The following GSDMB variants were observed in gnomAD, a reference collection of about 807,000 sequenced individuals.
GSDMB encodes the protein gasdermin-B.
A neutral mutation model predicts 42.9 loss-of-function variants in GSDMB; 32 were observed. That is an observed-to-expected ratio of 0.75 (90% CI 0.56 to 1.00). The LOEUF is 1.00. Among genes scored for constraint, GSDMB ranks in the 50% least tolerant of loss-of-function variants. The pLI, the probability that GSDMB is intolerant of heterozygous loss-of-function variation, is 0.00. For missense variants in GSDMB, 468 were observed against 498.5 expected, an observed-to-expected ratio of 0.94 and a Z score of 0.58; for synonymous variants, 175 against 193.7, an observed-to-expected ratio of 0.90 and a Z score of 0.80.
chr17:39,914,845 T>TG (rs988478618), intron 2 of GSDMB, among the ~76,000 whole-genome samples: 11 of 150,358 alleles, frequency 7.3e-5, no homozygotes, highest in African/African-American at 2.5e-4. Context: ...TTTTTTTTTG[T>TG]TTTTTTTTGA....
chr17:39,917,267 T>C lies in GSDMB; in HGVS notation c.50A>G (p.Asp17Gly), dbSNP rs2063729994. 1.9e-6 allele frequency: 3 copies of C among 1,613,934 alleles called. No individual in the cohort carries two copies. The East Asian group carries it at 6.7e-5, about 36-fold the overall frequency. The change falls in exon 2 of 11, where the codon GAT becomes GGT. Residue 17 changes from aspartate (D) to glycine (G), a missense_variant. Physicochemically the swap from Asp to Gly is moderately conservative, Grantham distance 94. Coordinates refer to ENST00000418519, the MANE Select transcript of GSDMB (RefSeq NM_001165958.2). ...EITRIVVKEM[D>G]AGGDMIAVRS... ...AACGGCAATCATATCCCCTCCAGCATCCATCTCCTTAACTACAATTCTTGT... is the reference window on the plus strand; with the variant it reads ...AACGGCAATCATATCCCCTCCAGCACCCATCTCCTTAACTACAATTCTTGT...
chr17:39,906,015 G>A (rs764467929), intron 8 of GSDMB, 30 bp from the exon 9 acceptor site: 1 of 1,613,234 alleles, frequency 6.2e-7, no homozygotes, highest in South Asian at 1.1e-5. Context: ...GAGATGAGCA[G>A]CAGTCTCACC....
intron 1 of GSDMB, 52 bp from the exon 2 acceptor site, chr17:39,917,382 T>C: frequency 2.8e-6 from 3 of 1,065,756 alleles, no homozygotes; most frequent in Non-Finnish European, 4.4e-6. Context: ...TTGGTTCAAG[T>C]ATTTAAATCT....
At chr17:39,916,955 T>G (rs987406078) in intron 2 of GSDMB, 127 bp downstream of exon 2, 8 of 653,042 alleles carry the variant, frequency 1.2e-5, no homozygotes, top group Non-Finnish European at 2.2e-5. Flanking sequence ...AATTAAGGTG[T>G]GTGGATGTGT....
Position 39,904,737 on chromosome 17 carries a change from G to A in GSDMB, c.*75C>T, listed in dbSNP as rs1425810318. 1 of 1,208,806 alleles carries A rather than the reference G, an allele frequency of 8.3e-7. No homozygotes were observed. Among genetic ancestry groups the A allele is most frequent in the Non-Finnish European group, 1.2e-6 (1 of 833,308 alleles). 74.9% of individuals were successfully genotyped at this position (1,208,806 alleles called of 1,614,324 possible). ...AAGAGGTCCCACTGGTGACAGGATG[G>A]TAGTGGCGATGGCAGTGAGGACAGA... On this transcript the variant is annotated 3_prime_UTR_variant, in exon 11 of 11. Transcript: ENST00000418519.
chr17:39,916,442 C>T (rs899457560), intron 2 of GSDMB, among the ~76,000 whole-genome samples: 2 of 151,904 alleles, frequency 1.3e-5, no homozygotes, highest in Admixed American at 1.3e-4. Flanking sequence ...GCCACCACGC[C>T]TGGCTAATTT....
intron 10 of GSDMB, 123 bp from the exon 11 acceptor site, chr17:39,905,087 T>C (rs1244383381): frequency 4.9e-6 from 4 of 817,792 alleles, no homozygotes; most frequent in Admixed American, 2.0e-5. Flanking sequence ...CATGGCACTC[T>C]TTCCTGCAGA....
At chr17:39,907,029 C>T in intron 6 of GSDMB, 42 bp from the exon 7 acceptor site, 1 of 1,613,478 alleles carries the variant, frequency 6.2e-7, no homozygotes, top group African/African-American at 1.3e-5. Context: ...TTCAGATCAC[C>T]TCCAGTCCCC....
chr17:39,911,815 G>C lies in GSDMB; in HGVS notation c.407+511C>G, dbSNP rs573999562. ...TACTGATGTGGGCAGCTCAGTGCAG[G>C]AGAGCAGAGGAGAGCAAAGGAGAGT... On this transcript the variant is annotated intron_variant, in intron 3 of 10. Coordinates refer to ENST00000418519, the MANE Select transcript of GSDMB (RefSeq NM_001165958.2). Among the ~76,000 whole-genome samples the C allele has an allele frequency of 4.5e-4, 69 of 152,280 alleles. No homozygotes were observed. In the Middle Eastern group the frequency reaches 0.01, roughly 23 times the overall value.
intron 8 of GSDMB, 48 bp from the exon 9 acceptor site, chr17:39,906,033 A>T (rs2063498559): frequency 6.2e-7 from 1 of 1,609,426 alleles, no homozygotes; most frequent in Non-Finnish European, 8.5e-7. Context: ...ACCATAGCAG[A>T]TTATCCTCAC....
chr17:39,913,355 G>T (rs991166825), intron 2 of GSDMB, among the ~76,000 whole-genome samples: 2 of 152,022 alleles, frequency 1.3e-5, no homozygotes, highest in African/African-American at 4.8e-5. Flanking sequence ...CGGTGGGGTG[G>T]CTCACGCCTG....
intron 5 of GSDMB, 36 bp from the exon 6 acceptor site, chr17:39,908,250 T>C: frequency 8.0e-7 from 1 of 1,247,308 alleles, no homozygotes; most frequent in East Asian, 2.5e-5. Flanking sequence ...AAAAACAAGT[T>C]ATTGGAGAGA....
intron 4 of GSDMB, 21 bp from the exon 5 acceptor site, chr17:39,909,063 T>C: frequency 4.1e-6 from 6 of 1,447,430 alleles, no homozygotes; most frequent in Non-Finnish European, 5.7e-6. Context: ...GAGCTCACAT[T>C]GACGGATCCC....
chr17:39,906,105 C>T lies in GSDMB; in HGVS notation c.888+6G>A, dbSNP rs1253468930. The T allele has an allele frequency of 6.2e-7, 1 of 1,614,064 alleles. No individual in the cohort carries two copies. Among genetic ancestry groups the T allele is most frequent in the Non-Finnish European group, 8.5e-7 (1 of 1,179,958 alleles). On this transcript the variant is annotated splice_donor_region_variant and intron_variant, in intron 8 of 10. Coordinates refer to ENST00000418519, the MANE Select transcript of GSDMB (RefSeq NM_001165958.2). ...TCTGCCCCAAGGCTTTCTTAGGGTCCCTTACTCTTTGCTCTAGATCCTGCC... is the reference window on the plus strand; with the variant it reads ...TCTGCCCCAAGGCTTTCTTAGGGTCTCTTACTCTTTGCTCTAGATCCTGCC...
chr17:39,906,405 A>T (rs1598273573), intron 7 of GSDMB, 134 bp from the exon 8 acceptor site: 3 of 985,918 alleles, frequency 3.0e-6, no homozygotes, highest in East Asian at 2.6e-5. Context: ...TCCGTGTTAA[A>T]ATTAAGCATC....
intron 10 of GSDMB, 196 bp downstream of exon 10, chr17:39,905,230 A>G: frequency 1.6e-6 from 1 of 607,794 alleles, no homozygotes; most frequent in Non-Finnish European, 2.9e-6. Context: ...CAGATAAAAA[A>G]CAGAGCCTAA....
chr17:39,906,811 C>G lies in GSDMB; in HGVS notation c.727+150G>C, dbSNP rs531854994. On this transcript the variant is annotated intron_variant, in intron 7 of 10. Coordinates refer to ENST00000418519, the MANE Select transcript of GSDMB (RefSeq NM_001165958.2). ...CCACTGTGTTTAGAGGAGACAGATG[C>G]AGCCTCCAGACTAAAGTTGAAACCT... 72 of 1,490,618 alleles carry G rather than the reference C, an allele frequency of 4.8e-5. No homozygotes were observed. The African/African-American group carries it at 9.5e-4, about 20-fold the overall frequency. 92.3% of individuals were successfully genotyped at this position (1,490,618 alleles called of 1,614,324 possible).
chr17:39,910,241 T>C (rs1448457115), intron 3 of GSDMB, among the ~76,000 whole-genome samples: 1 of 152,100 alleles, frequency 6.6e-6, no homozygotes, highest in Non-Finnish European at 1.5e-5. Context: ...GGAGAATCAC[T>C]TGAACCCGGG....
chr17:39,904,830 A>T lies in GSDMB; in HGVS notation c.1233T>A (p.Pro411=), dbSNP rs1355036461. 6.2e-7 allele frequency: 1 copy of T among 1,614,030 alleles called. No homozygotes were observed. Among genetic ancestry groups the T allele is most frequent in the South Asian group, 1.1e-5 (1 of 91,072 alleles). Residue 411 remains proline (P), a synonymous_variant, in exon 11 of 11, where the codon CCT becomes CCA. Coordinates refer to ENST00000418519, the MANE Select transcript of GSDMB (RefSeq NM_001165958.2). ...TTTGTAGTTAGGAAGAGACAGAGGT[A>T]GGCCCCTCAGCCAGCTCCAGCAGGA... ...VSILLELAEG[P]TSVSS
Sources: allele counts gnomAD v4.1 joint callset (sites outside exome capture counted in the v4.1 genomes callset), GRCh38; gene constraint gnomAD v4.1.1; transcripts MANE v1.5; gene names NCBI Gene and HGNC (gene_info 2026-07-23, HGNC 2026-07-21).